RUFY3: variants seen among roughly 807,000 people sequenced by gnomAD.
RUFY3 encodes the protein protein RUFY3.
A neutral mutation model predicts 84.0 loss-of-function variants in RUFY3; 34 were observed. The ratio of observed to expected loss-of-function variants is 0.40; its 90% CI spans 0.31 to 0.54. The LOEUF (loss-of-function observed/expected upper bound fraction) is 0.54, where lower values mean the gene tolerates loss of function less well. Ranked by LOEUF, RUFY3 falls within the 20% of genes least tolerant of loss-of-function variation. The probability of loss-of-function intolerance (pLI) is 0.39; values close to 1 mark genes in which losing one functional copy is unlikely to be tolerated. For synonymous variants in RUFY3, 242 were observed against 252.9 expected (o/e 0.96, Z 0.41); for missense variants, 507 against 736.8 (o/e 0.69, Z 3.61).
chr4:70,737,583 A>G (rs1720538038), intron 1 of RUFY3, among the ~76,000 whole-genome samples: 1 of 151,456 alleles, frequency 6.6e-6, no homozygotes, highest in Non-Finnish European at 1.5e-5. Context: ...CTCACCCCCC[A>G]TCAGGCTCAG....
intron 1 of RUFY3, among the ~76,000 whole-genome samples, chr4:70,751,612 T>A (rs753164407): frequency 6.6e-6 from 1 of 152,236 alleles, no homozygotes; most frequent in African/African-American, 2.4e-5. Context: ...TTCTCTTCTG[T>A]TGTTAAATCA....
chr4:70,804,430 G>T lies in RUFY3; in HGVS notation c.1719+14G>T. ...AGCCTAACAAAGGTAACTGTGATGA[G>T]AAACGGACAGGCTTTTCATAGGGAT... On this transcript the variant is annotated intron_variant, in intron 17 of 17. Coordinates refer to ENST00000381006, the MANE Select transcript of RUFY3 (RefSeq NM_001037442.4). The T allele has an allele frequency of 2.5e-6, 4 of 1,610,696 alleles. No individual in the cohort carries two copies. The South Asian group carries it at 4.4e-5, about 18-fold the overall frequency.
chr4:70,798,782 G>A (rs190099326), intron 14 of RUFY3, among the ~76,000 whole-genome samples: 14 of 152,088 alleles, frequency 9.2e-5, no homozygotes, highest in Non-Finnish European at 1.8e-4. Context: ...CTCCAGCCTG[G>A]GTGCCAGAGT....
In RUFY3 at chr4:70,739,496, C is replaced by T. The variant is rs532396911; in HGVS notation, c.178+16745C>T. On this transcript the variant is annotated intron_variant, in intron 1 of 17. Transcript: ENST00000381006. ...TGTGATGTGTCTGGGTTTGGGGCTT[C>T]AGAAAGGTGTTGCCTTAAGAAACCA... Among the ~76,000 whole-genome samples the T allele has an allele frequency of 1.2e-4, 18 of 152,172 alleles. No homozygotes were observed. In the South Asian group the frequency reaches 3.7e-3, roughly 32 times the overall value.
At chr4:70,703,996 TG>T (rs1183546658), upstream of RUFY3, 6 of 152,284 alleles carry the variant, frequency 3.9e-5, no homozygotes, top group East Asian at 9.6e-4. Context: ...CCGAAAGAAA[TG>T]TTTACTTAAG....
chr4:70,732,421 A>G (rs1047262527), intron 1 of RUFY3, among the ~76,000 whole-genome samples: 1 of 152,172 alleles, frequency 6.6e-6, no homozygotes, highest in African/African-American at 2.4e-5. Context: ...ATTTTAAAAG[A>G]AAGGATTTGC....
At chr4:70,736,165 AAAAAG>A (rs1372923716) in intron 1 of RUFY3, among the ~76,000 whole-genome samples, 18 of 152,010 alleles carry the variant, frequency 1.2e-4, no homozygotes, top group South Asian at 2.1e-4. Flanking sequence ...AAAAAAAAAA[AAAAAG>A]AAAAGAAAAG....
Position 70,784,801 on chromosome 4 carries a change from C to T in RUFY3, c.993C>T (p.Pro331=), listed in dbSNP as rs146563770. The T allele has an allele frequency of 1.3e-4, 203 of 1,597,536 alleles. No individual in the cohort carries two copies. Among genetic ancestry groups the T allele is most frequent in the Non-Finnish European group, 1.6e-4 (192 of 1,173,642 alleles). ...ATGTTATTTATCTTTTCAAGGGTCCCAAGCAAGACAGAACTGCAGAAGGGC... is the reference window on the plus strand; with the variant it reads ...ATGTTATTTATCTTTTCAAGGGTCCTAAGCAAGACAGAACTGCAGAAGGGC... ...SYILESNRKG[P]KQDRTAEGQA... Residue 331 remains proline, a synonymous_variant, in exon 10 of 18, where the codon CCC becomes CCT. Transcript: ENST00000381006.
At chr4:70,803,125 G>A in intron 16 of RUFY3, 142 bp downstream of exon 16, 2 of 565,224 alleles carry the variant, frequency 3.5e-6, no homozygotes, top group Admixed American at 3.4e-5. Context: ...GAACAAATAT[G>A]TATTGCCTGA....
rs1394666396 is a variant in RUFY3 at position 70,793,256 on chromosome 4, G to A, written c.1338-529G>A. The A allele has an allele frequency of 1.4e-5, 14 of 988,870 alleles. No homozygotes were observed. In the South Asian group the frequency reaches 1.8e-4, roughly 13 times the overall value. 61.3% of individuals were successfully genotyped at this position (988,870 alleles called of 1,614,324 possible). On this transcript the variant is annotated intron_variant, in intron 12 of 17. Transcript: ENST00000381006. ...TCCTTATAGAATAACCCAAAGCCTA[G>A]GTGAGGGTTGATATATAATGTCCCA...
chr4:70,769,736 A>G (rs1726638855), intron 5 of RUFY3, among the ~76,000 whole-genome samples: 1 of 152,242 alleles, frequency 6.6e-6, no homozygotes, highest in South Asian at 2.1e-4. Context: ...TGCTTTATCA[A>G]CTAAGTTTAT....
upstream of RUFY3, among the ~76,000 whole-genome samples, chr4:70,718,642 G>A (rs1173830912): frequency 6.6e-6 from 1 of 152,112 alleles, no homozygotes; most frequent in Non-Finnish European, 1.5e-5. Flanking sequence ...TCTTACTGAT[G>A]GCTTAACTTT....
Position 70,800,136 on chromosome 4 carries a change from G to C in RUFY3, c.1558-5G>C. On this transcript the variant is annotated splice_polypyrimidine_tract_variant and splice_region_variant and intron_variant, in intron 14 of 17. Transcript: ENST00000381006. Reference sequence around the variant, plus strand: ...TTAATAAATTGGGCTGTTTTCTTTTGGCAGGATGGGAAGCACAAAATGCAA... The same window carrying C: ...TTAATAAATTGGGCTGTTTTCTTTTCGCAGGATGGGAAGCACAAAATGCAA... 1.2e-6 allele frequency: 2 copies of C among 1,600,774 alleles called. No homozygotes were observed. The highest frequency in any genetic ancestry group is 1.7e-6 in the Non-Finnish European group (2 of 1,176,558).
At chr4:70,749,894 C>T (rs1015945983) in intron 1 of RUFY3, among the ~76,000 whole-genome samples, 2 of 152,016 alleles carry the variant, frequency 1.3e-5, no homozygotes, top group African/African-American at 4.8e-5. Flanking sequence ...TCAAGCTATC[C>T]ATCTGCCAGC....
At chr4:70,785,014 A>G (rs1189526649) in intron 10 of RUFY3, 135 bp downstream of exon 10, 4 of 517,328 alleles carry the variant, frequency 7.7e-6, no homozygotes, top group Admixed American at 7.7e-5. Context: ...AAAATGGTTC[A>G]TCTCTTTTTA....
intron 9 of RUFY3, 67 bp downstream of exon 9, chr4:70,783,250 T>C: frequency 1.0e-6 from 1 of 972,708 alleles, no homozygotes; most frequent in Non-Finnish European, 1.6e-6. Context: ...TAAAGGGGAG[T>C]CTCTAAAGGA....
chr4:70,801,310 T>C (rs562343933), intron 15 of RUFY3, among the ~76,000 whole-genome samples: 7 of 152,246 alleles, frequency 4.6e-5, no homozygotes, highest in South Asian at 4.1e-4. Context: ...GACCACACTA[T>C]AGACTAGACA....
At chr4:70,732,810 A>G (rs1409128846) in intron 1 of RUFY3, among the ~76,000 whole-genome samples, 2 of 152,094 alleles carry the variant, frequency 1.3e-5, no homozygotes, top group African/African-American at 4.8e-5. Context: ...CCTAATATAA[A>G]TGACGAGTTG....
intron 1 of RUFY3, among the ~76,000 whole-genome samples, chr4:70,710,343 C>T (rs1006644448): frequency 2.6e-5 from 4 of 152,132 alleles, no homozygotes; most frequent in African/African-American, 9.7e-5. Context: ...CTGTTATTGT[C>T]TCTCTTCTTT....
Sources: gnomAD v4.1 joint callset for allele counts (sites outside exome capture counted in the v4.1 genomes callset) on GRCh38, gnomAD v4.1.1 for gene constraint, MANE v1.5 for transcripts, NCBI Gene and HGNC (gene_info 2026-07-23, HGNC 2026-07-21) for gene names.